LPAR1: variants seen among roughly 807,000 people sequenced by gnomAD.
LPAR1 encodes lysophosphatidic acid receptor 1.
In LPAR1, 5 loss-of-function variants were observed where a neutral mutation model predicts 23.8. That is an observed-to-expected ratio of 0.21 (90% CI 0.11 to 0.44). The LOEUF (loss-of-function observed/expected upper bound fraction) is 0.44. Among genes scored for constraint, LPAR1 ranks in the 20% least tolerant of loss-of-function variants. The probability of loss-of-function intolerance (pLI) is 0.99; values close to 1 mark genes in which losing one functional copy is unlikely to be tolerated. For synonymous variants in LPAR1, 160 were observed against 164.7 expected (o/e 0.97, Z 0.22); for missense variants, 311 against 482.8 (o/e 0.64, Z 3.33).
chr9:110,885,732 C>T (rs2082184305), intron 5 of LPAR1, among the ~76,000 whole-genome samples: 1 of 152,228 alleles, frequency 6.6e-6, no homozygotes, highest in Non-Finnish European at 1.5e-5. Context: ...CTGATTTCTA[C>T]CCAGCTCTGT....
chr9:110,959,544 G>C (rs541726525), intron 4 of LPAR1, among the ~76,000 whole-genome samples: 2 of 152,096 alleles, frequency 1.3e-5, no homozygotes, highest in Non-Finnish European at 2.9e-5. Context: ...CTTGAGCCTG[G>C]GTGGTGGAGG....
intron 2 of LPAR1, among the ~76,000 whole-genome samples, chr9:110,988,917 T>A (rs1249829971): frequency 6.6e-6 from 1 of 152,086 alleles, no homozygotes; most frequent in Non-Finnish European, 1.5e-5. Flanking sequence ...TAAAGTTAAA[T>A]ATGGTATTTT....
chr9:110,968,893 G>A (rs2096312061), intron 4 of LPAR1, among the ~76,000 whole-genome samples: 1 of 152,214 alleles, frequency 6.6e-6, no homozygotes, highest in South Asian at 2.1e-4. Context: ...TATCAGGTTG[G>A]CTTCATTAAT....
At chr9:110,927,610 C>G (rs58841541) in intron 5 of LPAR1, among the ~76,000 whole-genome samples, 28,346 of 151,774 alleles carry the variant, frequency 0.19, 3,682 homozygotes, top group East Asian at 0.6. Flanking sequence ...CCAAACTGCA[C>G]GCAATAAAGT....
intron 5 of LPAR1, among the ~76,000 whole-genome samples, chr9:110,926,381 G>A (rs1776639117): frequency 6.6e-6 from 1 of 152,206 alleles, no homozygotes; most frequent in African/African-American, 2.4e-5. Context: ...AATTGTATTA[G>A]GTTAATGCAA....
intron 2 of LPAR1, among the ~76,000 whole-genome samples, chr9:111,005,546 C>CAAAAAAAAAA (rs60143050): frequency 4.7e-4 from 33 of 70,324 alleles, no homozygotes; most frequent in African/African-American, 2.3e-3. Flanking sequence ...GACCCTGTCT[C>CAAAAAAAAAA]AAAAAAAAAA....
At chr9:111,037,794 C>G (rs1177006821) in intron 1 of LPAR1, 5 of 152,156 alleles carry the variant, frequency 3.3e-5, no homozygotes, top group Admixed American at 2.0e-4. Context: ...ACCCAGGTAA[C>G]CGGAGGCCAC....
chr9:110,991,139 A>C (rs1004650993), intron 2 of LPAR1, among the ~76,000 whole-genome samples: 1 of 152,270 alleles, frequency 6.6e-6, no homozygotes, highest in Non-Finnish European at 1.5e-5. Context: ...AGAGGAAAAC[A>C]TAAGAGAAAA....
chr9:111,034,052 G>C (rs2097849691), intron 2 of LPAR1, among the ~76,000 whole-genome samples: 1 of 152,208 alleles, frequency 6.6e-6, no homozygotes, highest in African/African-American at 2.4e-5. Context: ...ACAGAGTGAA[G>C]ATAATGAGTT....
At chr9:110,968,884 A>T (rs569838169) in intron 4 of LPAR1, among the ~76,000 whole-genome samples, 5 of 152,092 alleles carry the variant, frequency 3.3e-5, no homozygotes, top group Admixed American at 6.5e-5. Flanking sequence ...AAATAACCCT[A>T]TCAGGTTGGC....
chr9:111,038,652 C>T, upstream of LPAR1: 1 of 455,340 alleles, frequency 2.2e-6, no homozygotes, highest in Non-Finnish European at 4.4e-6. This position sits in a 1 kb window ranked among gnomAD's most constrained non-coding sequence, Gnocchi z 4.4. Context: ...GACCCCTTAC[C>T]TGGTGTGGCG....
chr9:110,920,800 A>G, intron 5 of LPAR1, among the ~76,000 whole-genome samples: 1 of 152,196 alleles, frequency 6.6e-6, no homozygotes, highest in Non-Finnish European at 1.5e-5. Context: ...ATCACAGATA[A>G]TATGTCTACA....
Position 111,015,640 on chromosome 9 carries a change from T to G in LPAR1, c.-182+20482A>C, listed in dbSNP as rs188980918. Among the ~76,000 whole-genome samples the G allele has an allele frequency of 7.2e-4, 110 of 152,254 alleles. No homozygotes were observed. In the East Asian group the frequency reaches 0.018, roughly 24 times the overall value. On this transcript the variant is annotated intron_variant, in intron 2 of 5. Coordinates refer to ENST00000683809, the MANE Select transcript of LPAR1 (RefSeq NM_001351411.2). Reference sequence around the variant, plus strand: ...GGAATAGCTTCTTTCTGAGATCCACTGCACAGCAGAGTGGCTAGAGTCAAT... The same window carrying G: ...GGAATAGCTTCTTTCTGAGATCCACGGCACAGCAGAGTGGCTAGAGTCAAT...
chr9:111,017,494 C>A (rs185414075), intron 2 of LPAR1, among the ~76,000 whole-genome samples: 1 of 152,308 alleles, frequency 6.6e-6, no homozygotes, highest in Non-Finnish European at 1.5e-5. Flanking sequence ...CCCCAAGGCA[C>A]AAAAGTGGTC....
intron 2 of LPAR1, among the ~76,000 whole-genome samples, chr9:110,977,678 G>A (rs1034255132): frequency 1.3e-5 from 2 of 151,980 alleles, no homozygotes; most frequent in South Asian, 2.1e-4. Context: ...CCTAGATGAC[G>A]AGTTGATAGG....
chr9:110,894,556 C>T (rs900409915), intron 5 of LPAR1, among the ~76,000 whole-genome samples: 1 of 152,144 alleles, frequency 6.6e-6, no homozygotes, highest in Non-Finnish European at 1.5e-5. Context: ...TATTGGTTCT[C>T]CTAACCTAGA....
intron 5 of LPAR1, among the ~76,000 whole-genome samples, chr9:110,891,769 C>A (rs561664095): frequency 2.0e-5 from 3 of 152,034 alleles, no homozygotes; most frequent in Non-Finnish European, 4.4e-5. Context: ...GTATAAATGG[C>A]GCATTAAGCA....
chr9:111,028,838 C>T (rs1178795323), intron 2 of LPAR1, among the ~76,000 whole-genome samples: 1 of 152,122 alleles, frequency 6.6e-6, no homozygotes, highest in Non-Finnish European at 1.5e-5. Flanking sequence ...GCCACTAGTC[C>T]TACAGTAAAT....
At chr9:110,911,588 G>A (rs2092441264) in intron 5 of LPAR1, among the ~76,000 whole-genome samples, 1 of 152,016 alleles carries the variant, frequency 6.6e-6, no homozygotes, top group African/African-American at 2.4e-5. Flanking sequence ...GCAGACTTAA[G>A]ATACTTTAAT....
Sources: allele counts gnomAD v4.1 joint callset (sites outside exome capture counted in the v4.1 genomes callset), GRCh38; gene constraint gnomAD v4.1.1; non-coding constraint Gnocchi (gnomAD v3.1); transcripts MANE v1.5; gene names NCBI Gene and HGNC (gene_info 2026-07-23, HGNC 2026-07-21).